CSMD1: variants seen among roughly 807,000 people sequenced by gnomAD.
CSMD1 encodes the protein CUB and Sushi multiple domains 1.
In CSMD1, 213 loss-of-function variants were observed where a neutral mutation model predicts 417.5. The ratio of observed to expected loss-of-function variants is 0.51; its 90% CI spans 0.46 to 0.57. The LOEUF (loss-of-function observed/expected upper bound fraction) is 0.57. Among genes scored for constraint, CSMD1 ranks in the 20% least tolerant of loss-of-function variants. The pLI, the probability that CSMD1 is intolerant of heterozygous loss-of-function variation, is 0.00. For synonymous variants in CSMD1, 2,862 were observed against 1,736.8 expected, an observed-to-expected ratio of 1.65 and a Z score of -16.11; for missense variants, 6,923 against 4,529.7, an observed-to-expected ratio of 1.53 and a Z score of -15.17.
intron 5 of CSMD1, among the ~76,000 whole-genome samples, chr8:3,954,443 T>G (rs189075605): frequency 7.0e-4 from 106 of 152,262 alleles, no homozygotes; most frequent in African/African-American, 2.5e-3. Flanking sequence ...CTCAGCTCAC[T>G]GCAACCTCCT....
intron 26 of CSMD1, among the ~76,000 whole-genome samples, chr8:3,241,140 T>G (rs964485989): frequency 7.3e-5 from 11 of 151,684 alleles, no homozygotes; most frequent in Non-Finnish European, 1.3e-4. Flanking sequence ...GTAGCTGTAG[T>G]CCAGGAATAG....
intron 10 of CSMD1, among the ~76,000 whole-genome samples, chr8:3,517,357 T>C (rs1288926094): frequency 2.0e-5 from 3 of 152,146 alleles, no homozygotes; most frequent in East Asian, 3.9e-4. Context: ...AGCAAAACTA[T>C]AGTGGTGTTA....
intron 4 of CSMD1, among the ~76,000 whole-genome samples, chr8:4,023,864 G>A (rs1034476080): frequency 7.3e-6 from 1 of 137,686 alleles, no homozygotes; most frequent in Non-Finnish European, 1.5e-5. Flanking sequence ...GGATCTGCCC[G>A]CCTTGGCCTC....
At position 3,406,019 on chromosome 8, in the gene CSMD1, G is replaced by T; in HGVS notation, c.2266+8C>A. On this transcript the variant is annotated splice_region_variant and intron_variant, in intron 15 of 69. Transcript: ENST00000635120. ...AAGGAGAAGAGCGGGGGGTGGCAGG[G>T]ACTGCACCTTCACAGCGGGGCACGG... 2 of 1,612,756 alleles carry T rather than the reference G, an allele frequency of 1.2e-6. No individual in the cohort carries two copies. Among genetic ancestry groups the T allele is most frequent in the Non-Finnish European group, 1.7e-6 (2 of 1,179,190 alleles).
intron 25 of CSMD1, among the ~76,000 whole-genome samples, chr8:3,303,020 A>G (rs1804537312): frequency 6.6e-6 from 1 of 152,238 alleles, no homozygotes; most frequent in South Asian, 2.1e-4. Flanking sequence ...GGCATAGGGA[A>G]AAACTGTAGA....
At chr8:3,022,259 C>CTG (rs1809492723) in intron 51 of CSMD1, among the ~76,000 whole-genome samples, 2 of 148,708 alleles carry the variant, frequency 1.3e-5, no homozygotes, top group East Asian at 2.0e-4. Flanking sequence ...TGGAATGCAC[C>CTG]CGCAATCCCA....
At chr8:4,679,239 CCTGAG>C (rs1340211317) in intron 1 of CSMD1, among the ~76,000 whole-genome samples, 1 of 152,162 alleles carries the variant, frequency 6.6e-6, no homozygotes, top group African/African-American at 2.4e-5. Context: ...CTGTTGCTTT[CCTGAG>C]TCCAGCTGCT....
chr8:4,853,728 C>T (rs948413643), intron 1 of CSMD1, among the ~76,000 whole-genome samples: 1 of 152,324 alleles, frequency 6.6e-6, no homozygotes, highest in Non-Finnish European at 1.5e-5. Context: ...CAGCATCATG[C>T]AATCTCGTCA....
chr8:4,164,419 G>A lies in CSMD1; in HGVS notation c.416-132320C>T, dbSNP rs149322145. Among the ~76,000 whole-genome samples the A allele has an allele frequency of 3.4e-3, 513 of 152,162 alleles. 1 individual carries two copies. The highest frequency in any genetic ancestry group is 0.01 in the Middle Eastern group (3 of 294). On this transcript the variant is annotated intron_variant, in intron 3 of 69. Coordinates refer to ENST00000635120, the MANE Select transcript of CSMD1 (RefSeq NM_033225.6). ...TCAGGTAAGTGATGCTAATATCCTT[G>A]AGGGTTGCAGGTGACCTCTGAAACA...
intron 23 of CSMD1, among the ~76,000 whole-genome samples, chr8:3,336,423 A>C (rs1277623901): frequency 2.0e-5 from 3 of 152,216 alleles, no homozygotes. Context: ...ACTTAAATTC[A>C]TATAGCACTT....
intron 4 of CSMD1, among the ~76,000 whole-genome samples, chr8:4,001,994 C>T (rs1217267833): frequency 1.3e-5 from 2 of 151,850 alleles, no homozygotes; most frequent in African/African-American, 4.8e-5. Context: ...TAGAATCAGG[C>T]CAAAATAATA....
At chr8:3,757,868 CA>C (rs869281620) in intron 5 of CSMD1, among the ~76,000 whole-genome samples, 4 of 150,184 alleles carry the variant, frequency 2.7e-5, no homozygotes, top group African/African-American at 7.4e-5. Flanking sequence ...AACAAACAAA[CA>C]AAAAAAACCA....
At chr8:4,401,307 C>T (rs558719043) in intron 3 of CSMD1, among the ~76,000 whole-genome samples, 4 of 152,230 alleles carry the variant, frequency 2.6e-5, no homozygotes, top group South Asian at 2.1e-4. Context: ...TATAATATTT[C>T]TACAGGAATA....
At chr8:4,612,781 G>A (rs545724931) in intron 2 of CSMD1, among the ~76,000 whole-genome samples, 3 of 152,312 alleles carry the variant, frequency 2.0e-5, no homozygotes, top group African/African-American at 7.2e-5. Context: ...TCAACAAACA[G>A]CACCAGTAAC....
chr8:4,268,030 G>A (rs1056566432), intron 3 of CSMD1, among the ~76,000 whole-genome samples: 3 of 151,998 alleles, frequency 2.0e-5, no homozygotes, highest in Admixed American at 6.6e-5. Context: ...TATATACGAG[G>A]TCATTCTTGA....
chr8:3,225,074 T>A (rs187388138), intron 27 of CSMD1, among the ~76,000 whole-genome samples: 37 of 152,354 alleles, frequency 2.4e-4, no homozygotes, highest in African/African-American at 7.0e-4. Flanking sequence ...TCTTAATTGC[T>A]GATTTTTCCC....
At chr8:4,148,897 A>T (rs144930339) in intron 3 of CSMD1, among the ~76,000 whole-genome samples, 226 of 152,232 alleles carry the variant, frequency 1.5e-3, no homozygotes, top group African/African-American at 4.8e-3. Flanking sequence ...TCCATTCCCA[A>T]CATAGTTCAC....
At chr8:3,303,340 ACTCTAATCT>A (rs1202513373) in intron 25 of CSMD1, among the ~76,000 whole-genome samples, 2 of 152,078 alleles carry the variant, frequency 1.3e-5, no homozygotes, top group African/African-American at 4.8e-5. Context: ...GTGCAATTTC[ACTCTAATCT>A]CTCTAAAAGC....
chr8:3,895,983 T>C (rs1458643061), intron 5 of CSMD1, among the ~76,000 whole-genome samples: 4 of 152,206 alleles, frequency 2.6e-5, no homozygotes, highest in Admixed American at 2.6e-4. Flanking sequence ...ACCTCCCCTA[T>C]TACTGTAAAT....
Sources: allele counts gnomAD v4.1 joint callset (sites outside exome capture counted in the v4.1 genomes callset), GRCh38; gene constraint gnomAD v4.1.1; transcripts MANE v1.5; gene names NCBI Gene and HGNC (gene_info 2026-07-23, HGNC 2026-07-21).